Variants in TEX15 observed in about 807,000 individuals in gnomAD.
TEX15 encodes the protein testis-expressed protein 15.
Under a neutral mutation model 237.3 loss-of-function variants are expected in TEX15, and 171 were observed. The observed-to-expected ratio is 0.72, with a 90% CI of 0.64 to 0.82. The LOEUF (loss-of-function observed/expected upper bound fraction) is 0.82, where lower values mean the gene tolerates loss of function less well. TEX15 is among the 40% of genes least tolerant of loss of function. The probability of loss-of-function intolerance (pLI) is 0.00; values close to 1 mark genes in which losing one functional copy is unlikely to be tolerated. For synonymous variants in TEX15, 1,338 were observed against 1,269.8 expected, an observed-to-expected ratio of 1.05 and a Z score of -1.14; for missense variants, 3,750 against 3,646.5, an observed-to-expected ratio of 1.03 and a Z score of -0.73.
Position 30,849,013 on chromosome 8 carries a change from G to C in TEX15, c.1154C>G (p.Pro385Arg). The change falls in exon 8 of 11, where the codon CCC (proline) becomes CGC (arginine). Residue 385 changes from proline (P) to arginine (R), a missense_variant. Physicochemically the swap from Pro to Arg is moderately radical, Grantham distance 103. Coordinates refer to ENST00000643185, the MANE Select transcript of TEX15 (RefSeq NM_001350162.2). ...ATTAACACTGTCTTTGGCATCACTG[G>C]GCATAAGTGAAATGTCTGAATCATG... is the stretch of plus-strand genomic sequence containing the variant. ...LAHDSDISLM[P>R]SDAKDSVNGD... 1 of 1,614,094 alleles carries C rather than the reference G, an allele frequency of 6.2e-7. No homozygotes were observed. Among genetic ancestry groups the C allele is most frequent in the Non-Finnish European group, 8.5e-7 (1 of 1,180,006 alleles).
intron 4 of TEX15, among the ~76,000 whole-genome samples, chr8:30,872,531 T>C (rs1187878426): frequency 6.6e-6 from 1 of 152,092 alleles, no homozygotes; most frequent in Non-Finnish European, 1.5e-5. Context: ...ATAAATTAAT[T>C]GTAAGACAGC....
rs770304613 is a variant in TEX15 at position 30,837,971 on chromosome 8, A to C, written c.8313T>G (p.Val2771=). 6.2e-7 allele frequency: 1 copy of C among 1,614,068 alleles called. No individual in the cohort carries two copies. The highest frequency in any genetic ancestry group is 8.5e-7 in the Non-Finnish European group (1 of 1,179,982). ...AGCCAGGTAGTGATCTTTGCATTTCAACCTTTTTTGGCGTTAAATGATTTC... is the reference window on the plus strand; with the variant it reads ...AGCCAGGTAGTGATCTTTGCATTTCCACCTTTTTTGGCGTTAAATGATTTC... ...LKRNHLTPKK[V]EMQRSLPGSL... Residue 2771 remains valine, a synonymous_variant, in exon 10 of 11, where the codon GTT becomes GTG. Transcript: ENST00000643185.
intron 2 of TEX15, among the ~76,000 whole-genome samples, chr8:30,888,441 T>C (rs1210337592): frequency 6.6e-6 from 1 of 152,144 alleles, no homozygotes; most frequent in Non-Finnish European, 1.5e-5. Flanking sequence ...AATATTGCTA[T>C]ACCAGAAGTA....
In TEX15 at chr8:30,842,141, T is replaced by C; in HGVS notation, c.8026A>G (p.Met2676Val). 3 of 1,612,936 alleles carry C rather than the reference T, an allele frequency of 1.9e-6. No homozygotes were observed. Among genetic ancestry groups the C allele is most frequent in the Non-Finnish European group, 2.5e-6 (3 of 1,179,458 alleles). The change falls in exon 8 of 11, where the codon ATG becomes GTG. Residue 2676 changes from methionine to valine, a missense_variant. Coordinates refer to ENST00000643185, the MANE Select transcript of TEX15 (RefSeq NM_001350162.2). ...ENNNKFSIST[M>V]LPPVSECINK... ...ATGCACTCTGATACTGGGGGCAACA[T>C]CGTAGAAATACTAAATTTATTGTTA...
chr8:30,884,852 T>C (rs1175576758), intron 3 of TEX15, among the ~76,000 whole-genome samples: 2 of 152,150 alleles, frequency 1.3e-5, no homozygotes, highest in East Asian at 3.8e-4. Context: ...ATTTTTATTA[T>C]TTTCTTCTGC....
chr8:30,909,071 CAA>C (rs1809166464), intron 1 of TEX15, among the ~76,000 whole-genome samples: 1 of 152,038 alleles, frequency 6.6e-6, no homozygotes, highest in African/African-American at 2.4e-5. Flanking sequence ...TCTTTATTGG[CAA>C]AGTTTCCCCC....
chr8:30,907,566 TTTA>T (rs1809131818), intron 1 of TEX15, among the ~76,000 whole-genome samples: 1 of 144,602 alleles, frequency 6.9e-6, no homozygotes, highest in Admixed American at 7.0e-5. Context: ...TTATATATAA[TTTA>T]TTATATATAA....
At chr8:30,881,263 A>C (rs1034217126) in intron 3 of TEX15, among the ~76,000 whole-genome samples, 1 of 151,998 alleles carries the variant, frequency 6.6e-6, no homozygotes, top group Non-Finnish European at 1.5e-5. Flanking sequence ...TCATATTATT[A>C]TTCTCTCAAT....
intron 7 of TEX15, among the ~76,000 whole-genome samples, chr8:30,858,454 G>C (rs969675797): frequency 6.6e-6 from 1 of 151,984 alleles, no homozygotes; most frequent in Non-Finnish European, 1.5e-5. Flanking sequence ...TGGGATTACA[G>C]GCACACAACA....
chr8:30,889,969 G>GTATATATATATATA (rs1808764671), intron 2 of TEX15, among the ~76,000 whole-genome samples: 1 of 101,762 alleles, frequency 9.8e-6, no homozygotes, highest in Admixed American at 1.1e-4. Context: ...ATATATATAT[G>GTATATATATATATA]TATAAGTAAA....
chr8:30,854,259 C>CA (rs1159366706), intron 7 of TEX15, among the ~76,000 whole-genome samples: 1,582 of 64,842 alleles, frequency 0.024, 12 homozygotes, highest in Middle Eastern at 0.057. Context: ...CCTGACTGAC[C>CA]AAAAAAAAAA....
chr8:30,846,542 G>T lies in TEX15; in HGVS notation c.3625C>A (p.Pro1209Thr). Residue 1209 changes from proline to threonine, a missense_variant, in exon 8 of 11, where the codon CCT becomes ACT. Transcript: ENST00000643185. ...EILGFDIYSQ[P>T]FGENADYPCE... ...GGATAATCTGCATTTTCACCAAAAGGCTGGGAATAAATGTCAAATCCTAGA... is the reference window on the plus strand; with the variant it reads ...GGATAATCTGCATTTTCACCAAAAGTCTGGGAATAAATGTCAAATCCTAGA... 6.2e-7 allele frequency: 1 copy of T among 1,613,668 alleles called. No homozygotes were observed. The highest frequency in any genetic ancestry group is 8.5e-7 in the Non-Finnish European group (1 of 1,179,724).
intron 4 of TEX15, among the ~76,000 whole-genome samples, chr8:30,874,260 A>C (rs1425066895): frequency 1.3e-5 from 2 of 152,202 alleles, no homozygotes; most frequent in Non-Finnish European, 2.9e-5. Context: ...GGGTCTATCA[A>C]GCTCTAGTTA....
rs1464559905 is a variant in TEX15, at chr8:30,845,978, A to G, written c.4189T>C (p.Ser1397Pro). 6.2e-7 allele frequency: 1 copy of G among 1,612,950 alleles called. No homozygotes were observed. Among genetic ancestry groups the G allele is most frequent in the South Asian group, 1.1e-5 (1 of 90,858 alleles). Residue 1397 changes from serine (S) to proline (P), a missense_variant, in exon 8 of 11, where the codon TCT becomes CCT. Transcript: ENST00000643185. ...LKKAHRRVHT[S>P]LQLITKVGEE... ...CCTACTTTAGTTATAAGCTGCAAAG[A>G]TGTGTGAACTCTTCTATGAGCTTTT... is the stretch of plus-strand genomic sequence containing the variant.
chr8:30,848,732 A>G lies in TEX15; in HGVS notation c.1435T>C (p.Ser479Pro). 1 of 1,614,190 alleles carries G rather than the reference A, an allele frequency of 6.2e-7. No individual in the cohort carries two copies. The highest frequency in any genetic ancestry group is 8.5e-7 in the Non-Finnish European group (1 of 1,180,026). Residue 479 changes from serine (S) to proline (P), a missense_variant, in exon 8 of 11, where the codon TCC (serine) becomes CCC (proline). Physicochemically the swap from Ser to Pro is moderately conservative, Grantham distance 74. Transcript: ENST00000643185. Reference protein sequence around the residue: ...IKSTPSNSASSSEVVPGDCAV... With the variant: ...IKSTPSNSASPSEVVPGDCAV... Reference sequence around the variant, plus strand: ...CAATCACCAGGGACAACTTCTGAGGAGGAGGCAGAATTAGATGGTGTCGAT... The same window carrying G: ...CAATCACCAGGGACAACTTCTGAGGGGGAGGCAGAATTAGATGGTGTCGAT...
At position 30,847,589 on chromosome 8, in the gene TEX15, CTGTT is replaced by C. The variant is rs565708396; in HGVS notation, c.2574_2577del (p.Thr859IlefsTer16). ...TTAGCCTCATTTTGGTTTTCTCTAT[CTGTT>C]TGTTTTTTGAAATTAACATTCAGCC... is the stretch of plus-strand genomic sequence containing the variant. On this transcript the variant is annotated frameshift_variant, in exon 8 of 11. Transcript: ENST00000643185. LOFTEE classifies it high-confidence loss of function. The C allele has an allele frequency of 6.9e-5, 112 of 1,612,662 alleles. No homozygotes were observed. The highest frequency in any genetic ancestry group is 1.3e-4 in the African/African-American group (10 of 74,918).
chr8:30,844,339 T>C lies in TEX15; in HGVS notation c.5828A>G (p.Glu1943Gly), dbSNP rs1213065670. Residue 1943 changes from glutamate (E) to glycine (G), a missense_variant, in exon 8 of 11, where the codon GAA becomes GGA. Coordinates refer to ENST00000643185, the MANE Select transcript of TEX15 (RefSeq NM_001350162.2). ...DSQSDLTLHSEIAYISKPGIL... is the reference protein window; with the variant it reads ...DSQSDLTLHSGIAYISKPGIL... ...TCCTGGTTTGGAAATATAGGCTATT[T>C]CTGAATGTAATGTCAAGTCAGACTG... The C allele has an allele frequency of 1.2e-6, 2 of 1,612,522 alleles. No homozygotes were observed. Among genetic ancestry groups the C allele is most frequent in the East Asian group, 2.2e-5 (1 of 44,860 alleles).
Position 30,844,535 on chromosome 8 carries a change from G to T in TEX15, c.5632C>A (p.Gln1878Lys). Reference protein sequence around the residue: ...VNTEYKNQKNQISEESCLNEK... With the variant: ...VNTEYKNQKNKISEESCLNEK... Reference sequence around the variant, plus strand: ...TTTAAGCAGGATTCTTCTGAGATCTGATTCTTTTGATTTTTGTACTCAGTA... The same window carrying T: ...TTTAAGCAGGATTCTTCTGAGATCTTATTCTTTTGATTTTTGTACTCAGTA... Residue 1878 changes from glutamine to lysine, a missense_variant, in exon 8 of 11, where the codon CAG (glutamine) becomes AAG (lysine). Coordinates refer to ENST00000643185, the MANE Select transcript of TEX15 (RefSeq NM_001350162.2). 6.2e-7 allele frequency: 1 copy of T among 1,612,394 alleles called. No individual in the cohort carries two copies. The highest frequency in any genetic ancestry group is 8.5e-7 in the Non-Finnish European group (1 of 1,179,398).
intron 3 of TEX15, among the ~76,000 whole-genome samples, chr8:30,879,928 T>C (rs1446946086): frequency 1.5e-5 from 1 of 67,670 alleles, no homozygotes; most frequent in African/African-American, 1.7e-4. Flanking sequence ...TTAGATTTCC[T>C]TTTTTTTTTT....
Sources: gnomAD v4.1 joint callset for allele counts (sites outside exome capture counted in the v4.1 genomes callset) on GRCh38, gnomAD v4.1.1 for gene constraint, MANE v1.5 for transcripts, NCBI Gene and HGNC (gene_info 2026-07-23, HGNC 2026-07-21) for gene names.